GPHN: variants seen among roughly 807,000 people sequenced by gnomAD.
GPHN encodes the protein gephyrin.
In GPHN, 17 loss-of-function variants were observed where a neutral mutation model predicts 95.5. That is an observed-to-expected ratio of 0.18 (90% confidence interval 0.12 to 0.27). GPHN has a LOEUF of 0.27. Ranked by LOEUF, GPHN falls within the 10% of genes least tolerant of loss-of-function variation. The pLI is 1.00. For missense variants in GPHN, 660 were observed against 978.1 expected (o/e 0.67, Z 4.34); for synonymous variants, 320 against 322.5 (o/e 0.99, Z 0.08).
chr14:66,817,136 G>C (rs1286973733), intron 3 of GPHN, among the ~76,000 whole-genome samples: 1 of 151,804 alleles, frequency 6.6e-6, no homozygotes, highest in Non-Finnish European at 1.5e-5. Flanking sequence ...TTAATATACT[G>C]ATCTATTATT....
At chr14:67,151,368 TA>T (rs1236811687) in intron 18 of GPHN, among the ~76,000 whole-genome samples, 2 of 152,234 alleles carry the variant, frequency 1.3e-5, no homozygotes, top group Non-Finnish European at 2.9e-5. Context: ...CAAGAAAGAC[TA>T]ATAAGCCAGA....
the GPHN span, among the ~76,000 whole-genome samples, chr14:67,485,872 T>C: frequency 6.6e-6 from 1 of 152,202 alleles, no homozygotes; most frequent in South Asian, 2.1e-4. Context: ...CAAGAGGACA[T>C]GCTCCTCCAG....
the GPHN span, among the ~76,000 whole-genome samples, chr14:67,643,852 T>G: frequency 1.2e-5 from 1 of 81,174 alleles, no homozygotes; most frequent in African/African-American, 4.6e-5. Context: ...TCCTTGGGAG[T>G]AAAAAAAAAA....
chr14:67,475,355 G>A, the GPHN span, among the ~76,000 whole-genome samples: 1 of 152,186 alleles, frequency 6.6e-6, no homozygotes, highest in African/African-American at 2.4e-5. Flanking sequence ...GAACACGGGT[G>A]TACAAAGGTC....
chr14:67,707,038 A>G, the GPHN span, among the ~76,000 whole-genome samples: 1 of 152,238 alleles, frequency 6.6e-6, no homozygotes, highest in Admixed American at 6.5e-5. Flanking sequence ...ATCAGTAGGC[A>G]GGTATGAAAG....
At chr14:67,387,354 A>G in the GPHN span, 46 of 1,611,144 alleles carry the variant, frequency 2.9e-5, no homozygotes, top group Non-Finnish European at 3.6e-5. Flanking sequence ...GATAGCTTCA[A>G]TCCACTCGGC....
the GPHN span, among the ~76,000 whole-genome samples, chr14:67,529,414 T>C: frequency 4.1e-4 from 63 of 152,314 alleles, no homozygotes; most frequent in African/African-American, 1.4e-3. Context: ...CACACTTTCC[T>C]TCCTAGCACA....
the GPHN span, among the ~76,000 whole-genome samples, chr14:67,462,958 C>T: frequency 2.0e-5 from 3 of 152,208 alleles, no homozygotes. Flanking sequence ...TGTAAGCTTC[C>T]ACTAGCTGGC....
the GPHN span, among the ~76,000 whole-genome samples, chr14:67,231,545 G>A: frequency 1.3e-5 from 2 of 152,090 alleles, no homozygotes; most frequent in South Asian, 2.1e-4. Flanking sequence ...TGATTTTCTC[G>A]CCTCAGCCTG....
the GPHN span, among the ~76,000 whole-genome samples, chr14:67,249,565 T>G: frequency 6.6e-6 from 1 of 152,128 alleles, no homozygotes; most frequent in Non-Finnish European, 1.5e-5. Flanking sequence ...TTAAGGAGAG[T>G]CAGGTTTTTA....
At chr14:67,687,918 C>T in the GPHN span, among the ~76,000 whole-genome samples, 139 of 152,094 alleles carry the variant, frequency 9.1e-4, no homozygotes, top group Middle Eastern at 3.4e-3. Context: ...ATTACAGGCG[C>T]CCGCCACCAC....
intron 18 of GPHN, among the ~76,000 whole-genome samples, chr14:67,152,275 AC>A: frequency 6.6e-6 from 1 of 152,176 alleles, no homozygotes; most frequent in Non-Finnish European, 1.5e-5. Flanking sequence ...TCTGTGCTAC[AC>A]TTGCCATAAA....
chr14:67,424,470 G>A, the GPHN span, among the ~76,000 whole-genome samples: 1 of 151,544 alleles, frequency 6.6e-6, no homozygotes, highest in African/African-American at 2.4e-5. Context: ...ATACAGGTGT[G>A]TGCTTGTAGT....
At chr14:67,280,923 G>A in the GPHN span, among the ~76,000 whole-genome samples, 7 of 140,620 alleles carry the variant, frequency 5.0e-5, no homozygotes, top group Middle Eastern at 7.4e-3. Context: ...TTGAGGTGGA[G>A]TCTTGCTCTG....
intron 4 of GPHN, chr14:66,842,635 T>C: frequency 6.8e-7 from 1 of 1,474,420 alleles, no homozygotes. Flanking sequence ...TTCCTCAAAC[T>C]GGGAGTCAGA....
At chr14:66,525,246 GTGA>G (rs2058640247) in intron 1 of GPHN, among the ~76,000 whole-genome samples, 1 of 152,190 alleles carries the variant, frequency 6.6e-6, no homozygotes, top group Non-Finnish European at 1.5e-5. Context: ...GTAATGACCA[GTGA>G]TGATGAGCTT....
At chr14:66,925,350 G>T (rs1004997696) in intron 8 of GPHN, among the ~76,000 whole-genome samples, 3 of 151,982 alleles carry the variant, frequency 2.0e-5, no homozygotes, top group African/African-American at 7.3e-5. Context: ...ACCCTGTTGT[G>T]CTATCTAGAT....
intron 1 of GPHN, among the ~76,000 whole-genome samples, chr14:66,588,463 A>G (rs2140566011): frequency 6.6e-6 from 1 of 152,248 alleles, no homozygotes; most frequent in Non-Finnish European, 1.5e-5. Flanking sequence ...AGCTGTTCTA[A>G]CCCAATGCAA....
chr14:67,689,889 G>A, the GPHN span, among the ~76,000 whole-genome samples: 2 of 151,956 alleles, frequency 1.3e-5, no homozygotes, highest in Admixed American at 1.3e-4. Context: ...GGTCGGCAGT[G>A]AGCCGAGATT....
Sources: allele counts gnomAD v4.1 joint callset (sites outside exome capture counted in the v4.1 genomes callset), GRCh38; gene constraint gnomAD v4.1.1; transcripts MANE v1.5; gene names NCBI Gene and HGNC (gene_info 2026-07-23, HGNC 2026-07-21).